CAPN8: variants seen among roughly 807,000 people sequenced by gnomAD.
CAPN8 encodes calpain-8.
In CAPN8, 87 loss-of-function variants were observed where a neutral mutation model predicts 80.9. The ratio of observed to expected loss-of-function variants is 1.07; its 90% CI spans 0.90 to 1.28. The LOEUF is 1.28. CAPN8 is among the 50% of genes most tolerant of loss of function. CAPN8 has a pLI of 0.00. For synonymous variants in CAPN8, 299 were observed against 273.8 expected, an observed-to-expected ratio of 1.09 and a Z score of -0.91; for missense variants, 757 against 702.0, an observed-to-expected ratio of 1.08 and a Z score of -0.89.
chr1:223,553,280 T>G (rs1035359829), intron 14 of CAPN8, among the ~76,000 whole-genome samples: 65,932 of 151,878 alleles, frequency 0.43, 14,567 homozygotes, highest in African/African-American at 0.53. Context: ...GGATCAGGGG[T>G]CGCTTCTTTC....
chr1:223,630,274 GTCTC>G (rs961235622), intron 2 of CAPN8, among the ~76,000 whole-genome samples: 9 of 147,702 alleles, frequency 6.1e-5, no homozygotes, highest in African/African-American at 2.0e-4. Context: ...TTGTCTGTCT[GTCTC>G]TCTCTCTCTC....
rs377619166 is a variant in CAPN8, at chr1:223,637,238, C to A, written c.308-8458G>T. Among the ~76,000 whole-genome samples, 292 of 152,314 alleles carry A rather than the reference C, an allele frequency of 1.9e-3. 4 individuals are homozygous for A. Among genetic ancestry groups the A allele is most frequent in the South Asian group, 0.013 (65 of 4,826 alleles). ...GTAATCTAGACTTTTCTGAACCTGG[C>A]AGACAGCAGCTTGACTGGGTCTCCA... On this transcript the variant is annotated intron_variant, in intron 2 of 20. Coordinates refer to ENST00000366872, the MANE Select transcript of CAPN8 (RefSeq NM_001143962.2).
At chr1:223,609,574 A>G (rs1010393369) in intron 11 of CAPN8, among the ~76,000 whole-genome samples, 4 of 152,164 alleles carry the variant, frequency 2.6e-5, no homozygotes, top group Non-Finnish European at 4.4e-5. Context: ...TGTTTGAGGC[A>G]TTGATCTTGA....
At chr1:223,548,656 C>G (rs1656697403) in intron 16 of CAPN8, among the ~76,000 whole-genome samples, 2 of 152,140 alleles carry the variant, frequency 1.3e-5, no homozygotes, top group Non-Finnish European at 2.9e-5. Context: ...CAAAATCTAC[C>G]AGCACCTTGA....
chr1:223,610,814 T>C (rs1268982506), intron 11 of CAPN8, among the ~76,000 whole-genome samples: 1 of 152,102 alleles, frequency 6.6e-6, no homozygotes, highest in Non-Finnish European at 1.5e-5. Flanking sequence ...GGATGGAGGT[T>C]GGGCAGGTTT....
intron 15 of CAPN8, 121 bp from the exon 16 acceptor site, chr1:223,549,503 T>G: frequency 1.4e-6 from 2 of 1,451,342 alleles, no homozygotes; most frequent in Non-Finnish European, 1.9e-6. Flanking sequence ...ACTTGGTCTC[T>G]GCCAAAAGGG....
At chr1:223,551,060 A>G in intron 14 of CAPN8, 43 bp from the exon 15 acceptor site, 1 of 715,214 alleles carries the variant, frequency 1.4e-6, no homozygotes, top group South Asian at 1.5e-5. Flanking sequence ...AGGCCCTGAC[A>G]AGTTGTTTCA....
intron 14 of CAPN8, among the ~76,000 whole-genome samples, chr1:223,552,583 A>C: frequency 7.1e-6 from 1 of 141,674 alleles, no homozygotes; most frequent in Non-Finnish European, 1.5e-5. Context: ...AAAAAAAAAG[A>C]CTTGAGGCCC....
intron 2 of CAPN8, among the ~76,000 whole-genome samples, chr1:223,637,567 G>A (rs888550231): frequency 5.3e-5 from 8 of 152,046 alleles, no homozygotes; most frequent in African/African-American, 1.4e-4. Flanking sequence ...TTAAGTTCCC[G>A]TCCTCTTAGA....
intron 2 of CAPN8, among the ~76,000 whole-genome samples, chr1:223,632,353 G>C (rs1657795674): frequency 6.7e-6 from 1 of 149,308 alleles, no homozygotes; most frequent in Non-Finnish European, 1.5e-5. Flanking sequence ...AAACAGCTTT[G>C]ATCTTGGAGC....
intron 14 of CAPN8, among the ~76,000 whole-genome samples, chr1:223,552,086 C>G (rs573619127): frequency 6.6e-6 from 1 of 152,204 alleles, no homozygotes; most frequent in African/African-American, 2.4e-5. Context: ...GGGTCCCAGT[C>G]TCAACTCAGC....
At chr1:223,544,241 A>G in intron 18 of CAPN8, 58 bp from the exon 19 acceptor site, 1 of 706,596 alleles carries the variant, frequency 1.4e-6, no homozygotes, top group Non-Finnish European at 2.6e-6. Context: ...ACTGTCTCCC[A>G]TAAACACTCA....
chr1:223,649,146 A>G (rs1293637522), intron 2 of CAPN8, among the ~76,000 whole-genome samples: 2 of 152,236 alleles, frequency 1.3e-5, no homozygotes, highest in East Asian at 3.8e-4. Flanking sequence ...CATTTTTCAG[A>G]GACCAAGGTC....
chr1:223,662,063 C>T (rs1159731437), intron 1 of CAPN8, among the ~76,000 whole-genome samples: 1 of 152,142 alleles, frequency 6.6e-6, no homozygotes, highest in Non-Finnish European at 1.5e-5. Flanking sequence ...TTATGCCAGT[C>T]ACAAAAGGAC....
chr1:223,612,642 A>G (rs980459578), intron 10 of CAPN8, among the ~76,000 whole-genome samples: 1 of 152,058 alleles, frequency 6.6e-6, no homozygotes, highest in African/African-American at 2.4e-5. Flanking sequence ...AGAGTGGGGG[A>G]ATCTCACTCA....
chr1:223,550,479 T>A (rs1286248920), intron 15 of CAPN8, among the ~76,000 whole-genome samples: 1 of 152,172 alleles, frequency 6.6e-6, no homozygotes, highest in Non-Finnish European at 1.5e-5. Flanking sequence ...TCCTGACAGC[T>A]CTGAGGCTTG....
Position 223,619,276 on chromosome 1 carries a change from G to A in CAPN8, c.1135+17C>T. The A allele has an allele frequency of 6.4e-7, 1 of 1,551,310 alleles. No individual in the cohort carries two copies. The highest frequency in any genetic ancestry group is 8.7e-7 in the Non-Finnish European group (1 of 1,146,892). On this transcript the variant is annotated intron_variant, in intron 9 of 20. Transcript: ENST00000366872. ...ATAAGCTGGAGGAGGTTGGGCCAAG[G>A]CAGCCCTTCACCTTACCTGGGTAGT...
intron 2 of CAPN8, among the ~76,000 whole-genome samples, chr1:223,643,770 C>T (rs1658108178): frequency 6.6e-6 from 1 of 152,194 alleles, no homozygotes; most frequent in Admixed American, 6.5e-5. Flanking sequence ...CAGGTGAAAG[C>T]CGACTGGCAT....
intron 9 of CAPN8, chr1:223,618,396 A>T: frequency 1.4e-6 from 2 of 1,389,012 alleles, no homozygotes; most frequent in South Asian, 2.6e-5. Flanking sequence ...TATCTCCACC[A>T]GGGTCTGAGT....
Sources: gnomAD v4.1 joint callset for allele counts (sites outside exome capture counted in the v4.1 genomes callset) on GRCh38, gnomAD v4.1.1 for gene constraint, MANE v1.5 for transcripts, NCBI Gene and HGNC (gene_info 2026-07-23, HGNC 2026-07-21) for gene names.